USPL1: variants seen among roughly 807,000 people sequenced by gnomAD.
USPL1 encodes the protein SUMO-specific isopeptidase USPL1.
A neutral mutation model predicts 51.5 loss-of-function variants in USPL1; 27 were observed. That is an observed-to-expected ratio of 0.52 (90% confidence interval 0.39 to 0.72). The LOEUF is 0.72. USPL1 is among the 30% of genes least tolerant of loss of function. The probability of loss-of-function intolerance (pLI) is 0.00; values close to 1 mark genes in which losing one functional copy is unlikely to be tolerated. For missense variants in USPL1, 1,226 were observed against 1,268.0 expected (o/e 0.97, Z 0.50); for synonymous variants, 451 against 459.6 (o/e 0.98, Z 0.24).
At chr13:30,625,550 A>T (rs1422787966) in intron 3 of USPL1, among the ~76,000 whole-genome samples, 1 of 141,166 alleles carries the variant, frequency 7.1e-6, no homozygotes, top group East Asian at 2.1e-4. Context: ...GGTTCAAGGG[A>T]TTCTCCTGCC....
intron 7 of USPL1, among the ~76,000 whole-genome samples, chr13:30,647,572 G>T (rs1052223431): frequency 2.6e-5 from 4 of 152,078 alleles, no homozygotes; most frequent in African/African-American, 9.7e-5. Context: ...AGTTGGGGAG[G>T]TTGGTCAGCA....
At chr13:30,637,288 A>G (rs1407668210) in intron 4 of USPL1, among the ~76,000 whole-genome samples, 1 of 152,216 alleles carries the variant, frequency 6.6e-6, no homozygotes, top group Non-Finnish European at 1.5e-5. Flanking sequence ...ATGAGATATT[A>G]GTTTGGGAAA....
At position 30,658,926 on chromosome 13, in the gene USPL1, G is replaced by T; in HGVS notation, c.2849G>T (p.Ser950Ile). The change falls in exon 9 of 9, where the codon AGT becomes ATT. Residue 950 changes from serine (S) to isoleucine (I), a missense_variant. Ser to Ile is a moderately radical substitution (Grantham distance 142). Transcript: ENST00000255304. Reference sequence around the variant, plus strand: ...CTACCATATCCAATTGATATTGCCAGTGAGTCTGCATGCACCACTGTTCCT... The same window carrying T: ...CTACCATATCCAATTGATATTGCCATTGAGTCTGCATGCACCACTGTTCCT... ...NELPYPIDIASESACTTVPGV... is the reference protein window; with the variant it reads ...NELPYPIDIAIESACTTVPGV... 3 of 1,613,928 alleles carry T rather than the reference G, an allele frequency of 1.9e-6. No individual in the cohort carries two copies. Among genetic ancestry groups the T allele is most frequent in the Non-Finnish European group, 2.5e-6 (3 of 1,179,960 alleles).
chr13:30,622,360 A>G (rs1286549122), intron 3 of USPL1, among the ~76,000 whole-genome samples: 1 of 152,150 alleles, frequency 6.6e-6, no homozygotes, highest in African/African-American at 2.4e-5. Context: ...TAGAAGCTCT[A>G]AATCGCTTTT....
intron 3 of USPL1, among the ~76,000 whole-genome samples, chr13:30,625,795 A>G (rs780406694): frequency 6.6e-6 from 1 of 152,184 alleles, no homozygotes; most frequent in Non-Finnish European, 1.5e-5. Flanking sequence ...CAAAAAATAT[A>G]TAATCAAGAA....
Position 30,658,145 on chromosome 13 carries a change from G to A in USPL1, c.2068G>A (p.Gly690Arg), listed in dbSNP as rs1372014860. Residue 690 changes from glycine to arginine, a missense_variant, in exon 9 of 9, where the codon GGA (glycine) becomes AGA (arginine). Physicochemically the swap from Gly to Arg is moderately radical, Grantham distance 125. Coordinates refer to ENST00000255304, the MANE Select transcript of USPL1 (RefSeq NM_005800.5). ...NNTDATGLIQ[G>R]VKSVEIEKDA... is the part of the protein sequence containing the mutation. ...TACTGATGCTACTGGTCTTATACAG[G>A]GAGTGAAGTCAGTAGAAATTGAGAA... 1.2e-6 allele frequency: 2 copies of A among 1,613,380 alleles called. No homozygotes were observed. Among genetic ancestry groups the A allele is most frequent in the Non-Finnish European group, 1.7e-6 (2 of 1,179,954 alleles).
Position 30,659,597 on chromosome 13 carries a change from A to T in USPL1, c.*241A>T. ...TTCTTGTGAGAGTATGAGGATTTCA[A>T]AATGTTAAAGATGAAAAGTGGCGTC... On this transcript the variant is annotated 3_prime_UTR_variant, in exon 9 of 9. Coordinates refer to ENST00000255304, the MANE Select transcript of USPL1 (RefSeq NM_005800.5). 5.2e-6 allele frequency: 2 copies of T among 385,650 alleles called. No homozygotes were observed. Among genetic ancestry groups the T allele is most frequent in the Non-Finnish European group, 9.1e-6 (2 of 220,524 alleles). 23.9% of individuals were successfully genotyped at this position (385,650 alleles called of 1,614,324 possible).
rs139994768 is a variant in USPL1, at chr13:30,653,271, T to A, written c.1362T>A (p.Asn454Lys). ...QITSVIQYRA[N>K]NHFITWILDA... ...CTTCTGTAATTCAGTATCGAGCAAA[T>A]AATCATTTTATAACATGGATTTTAG... Residue 454 changes from asparagine to lysine, a missense_variant, in exon 8 of 9, where the codon AAT (asparagine) becomes AAA (lysine). Transcript: ENST00000255304. The A allele has an allele frequency of 1.2e-6, 2 of 1,607,910 alleles. No homozygotes were observed. Among genetic ancestry groups the A allele is most frequent in the African/African-American group, 1.3e-5 (1 of 74,904 alleles).
intron 4 of USPL1, among the ~76,000 whole-genome samples, chr13:30,632,969 A>G (rs1192547077): frequency 6.9e-6 from 1 of 145,850 alleles, no homozygotes; most frequent in African/African-American, 2.6e-5. Context: ...ACTTACATTT[A>G]CCTATGCGTT....
chr13:30,642,671 A>G lies in USPL1; in HGVS notation c.1026A>G (p.Lys342=). ...TGTTTGCATTTCCCCTGCTCTTAAA[A>G]CTAGAAACCCACATTGAAAAGCTCT... is the stretch of plus-strand genomic sequence containing the variant. ...SPVFAFPLLL[K]LETHIEKLFL... is the part of the protein sequence containing the mutation. Residue 342 remains lysine (K), a synonymous_variant, in exon 6 of 9, where the codon AAA becomes AAG. Transcript: ENST00000255304. 6.2e-7 allele frequency: 1 copy of G among 1,613,940 alleles called. No individual in the cohort carries two copies. The highest frequency in any genetic ancestry group is 8.5e-7 in the Non-Finnish European group (1 of 1,179,884).
At chr13:30,625,437 GTTTTTTGTTTTTTT>G (rs1950700098) in intron 3 of USPL1, among the ~76,000 whole-genome samples, 3 of 135,918 alleles carry the variant, frequency 2.2e-5, no homozygotes, top group Admixed American at 1.4e-4. Flanking sequence ...TTGGTTTTTT[GTTTTTTGTTTTTTT>G]TTTTTTTTTT....
At position 30,659,217 on chromosome 13, in the gene USPL1, G is replaced by A. The variant is rs753824221; in HGVS notation, c.3140G>A (p.Cys1047Tyr). 1.9e-6 allele frequency: 3 copies of A among 1,614,048 alleles called. No individual in the cohort carries two copies. The highest frequency in any genetic ancestry group is 1.7e-5 in the Admixed American group (1 of 60,020). ...VQPDSLTNNACVRTLNLESPM... is the reference protein window; with the variant it reads ...VQPDSLTNNAYVRTLNLESPM... ...CCAGACTCTCTGACAAATAATGCCT[G>A]CGTTAGAACATTAAACTTGGAGAGT... Residue 1047 changes from cysteine to tyrosine, a missense_variant, in exon 9 of 9, where the codon TGC becomes TAC. By Grantham distance (194) the Cys-to-Tyr change is radical. Transcript: ENST00000255304.
At position 30,621,854 on chromosome 13, in the gene USPL1, A is replaced by C; in HGVS notation, c.190A>C (p.Ser64Arg). The C allele has an allele frequency of 1.9e-6, 3 of 1,579,770 alleles. No individual in the cohort carries two copies. Among genetic ancestry groups the C allele is most frequent in the Non-Finnish European group, 2.6e-6 (3 of 1,164,574 alleles). ...KLKALKTYRISFQESIFLCED... is the reference protein window; with the variant it reads ...KLKALKTYRIRFQESIFLCED... ...AAAAGCCTTAAAGACTTACCGAATTAGTTTTCAAGAATCTATCTTTTTGTG... is the reference window on the plus strand; with the variant it reads ...AAAAGCCTTAAAGACTTACCGAATTCGTTTTCAAGAATCTATCTTTTTGTG... Residue 64 changes from serine to arginine, a missense_variant, in exon 3 of 9, where the codon AGT (serine) becomes CGT (arginine). Physicochemically the swap from Ser to Arg is moderately radical, Grantham distance 110 (BLOSUM62 -1). Coordinates refer to ENST00000255304, the MANE Select transcript of USPL1 (RefSeq NM_005800.5).
chr13:30,641,094 A>T (rs761749597), intron 5 of USPL1, among the ~76,000 whole-genome samples: 4 of 152,242 alleles, frequency 2.6e-5, no homozygotes, highest in African/African-American at 4.8e-5. Flanking sequence ...TACTTTTCCC[A>T]GTAGACAGAT....
At chr13:30,656,919 T>C (rs1417576181) in intron 8 of USPL1, among the ~76,000 whole-genome samples, 1 of 151,980 alleles carries the variant, frequency 6.6e-6, no homozygotes, top group Non-Finnish European at 1.5e-5. Flanking sequence ...ACCTTCTTAC[T>C]CCTCATTCAT....
chr13:30,638,595 TTTG>T lies in USPL1; in HGVS notation c.982+741_982+743del, dbSNP rs1418776454. ...TTGCGAAAAGGAGCTGCGGGGTTTT[TTTG>T]TTTGTTTTTGTTTTGAAAGGGCTTT... On this transcript the variant is annotated intron_variant, in intron 5 of 8. Transcript: ENST00000255304. 5.9e-5 allele frequency among the ~76,000 whole-genome samples: 9 copies of T among 152,214 alleles called. No homozygotes were observed. In the East Asian group the frequency reaches 1.7e-3, roughly 29 times the overall value.
chr13:30,626,410 C>T (rs913873737), intron 3 of USPL1, among the ~76,000 whole-genome samples: 5 of 152,266 alleles, frequency 3.3e-5, no homozygotes, highest in Non-Finnish European at 7.4e-5. Context: ...TTTCAGTGTT[C>T]ATAAATAAAG....
intron 3 of USPL1, among the ~76,000 whole-genome samples, chr13:30,629,631 G>C (rs2137629778): frequency 1.3e-5 from 2 of 152,344 alleles, no homozygotes; most frequent in East Asian, 3.9e-4. Flanking sequence ...GCTGGAAGTT[G>C]AGTTCAAATA....
Position 30,630,819 on chromosome 13 carries a change from T to C in USPL1, c.229-16T>C, listed in dbSNP as rs199682726. On this transcript the variant is annotated splice_polypyrimidine_tract_variant and intron_variant, in intron 3 of 8. Transcript: ENST00000255304. ...TGAATTTGTGTAGTTTTTATCATTT[T>C]ATTTTTACTTTCCAGTGCATCTATC... is the stretch of plus-strand genomic sequence containing the variant. 1 of 1,558,032 alleles carries C rather than the reference T, an allele frequency of 6.4e-7. No individual in the cohort carries two copies. The highest frequency in any genetic ancestry group is 8.6e-7 in the Non-Finnish European group (1 of 1,156,122).
Sources: allele counts gnomAD v4.1 joint callset (sites outside exome capture counted in the v4.1 genomes callset), GRCh38; gene constraint gnomAD v4.1.1; transcripts MANE v1.5; gene names NCBI Gene and HGNC (gene_info 2026-07-23, HGNC 2026-07-21).